The following CHMP3 variants were observed in gnomAD, a reference collection of about 807,000 sequenced individuals.
CHMP3 encodes 25.1 protein.
A neutral mutation model predicts 27.4 loss-of-function variants in CHMP3; 8 were observed. The observed-to-expected ratio is 0.29, with a 90% CI of 0.17 to 0.53. CHMP3 has a LOEUF of 0.53. Among genes scored for constraint, CHMP3 ranks in the 20% least tolerant of loss-of-function variants. The pLI is 0.96. For synonymous variants in CHMP3, 86 were observed against 85.5 expected (o/e 1.01, Z -0.03); for missense variants, 208 against 271.5 (o/e 0.77, Z 1.64).
At chr2:86,558,710 G>C (rs769366756) in intron 1 of CHMP3, among the ~76,000 whole-genome samples, 1 of 152,154 alleles carries the variant, frequency 6.6e-6, no homozygotes, top group African/African-American at 2.4e-5. Context: ...AGAAGGAGCT[G>C]TCTTGTAAGT....
At chr2:86,510,587 G>A (rs1018235755) in intron 3 of CHMP3, 108 bp from the exon 4 acceptor site, 74 of 1,451,114 alleles carry the variant, frequency 5.1e-5, no homozygotes, top group Middle Eastern at 1.8e-4. Context: ...ATGGACTCCC[G>A]AAGTTATTTG....
intron 3 of CHMP3, chr2:86,512,344 C>T (rs1489423412): frequency 2.6e-5 from 4 of 152,370 alleles, no homozygotes; most frequent in African/African-American, 9.7e-5. Context: ...CAGCCCTCAC[C>T]AGACAACCAA....
chr2:86,510,277 C>CCCCCCCAA, intron 4 of CHMP3, 81 bp downstream of exon 4: 19 of 1,118,930 alleles, frequency 1.7e-5, no homozygotes, highest in East Asian at 3.2e-5. Flanking sequence ...CATCCCCACC[C>CCCCCCCAA]ACCCTCATCC....
chr2:86,510,711 A>C (rs932207238), intron 3 of CHMP3: 3 of 457,014 alleles, frequency 6.6e-6, no homozygotes, highest in Non-Finnish European at 1.1e-5. Flanking sequence ...CCACATGACC[A>C]ATCTGGAGAG....
At chr2:86,554,816 C>CGTGTGTGTGTGTGTGT (rs70956121) in intron 1 of CHMP3, among the ~76,000 whole-genome samples, 2 of 145,384 alleles carry the variant, frequency 1.4e-5, no homozygotes, top group African/African-American at 5.2e-5. Flanking sequence ...TGTGTGCGCG[C>CGTGTGTGTGTGTGTGT]GTGTGTGTGT....
chr2:86,543,923 A>G (rs1345218140), intron 1 of CHMP3, among the ~76,000 whole-genome samples: 3 of 152,358 alleles, frequency 2.0e-5, no homozygotes, highest in Non-Finnish European at 2.9e-5. Flanking sequence ...TTACAATGTC[A>G]TACAACCACC....
chr2:86,520,341 G>A (rs1675473931), intron 3 of CHMP3, among the ~76,000 whole-genome samples: 1 of 152,102 alleles, frequency 6.6e-6, no homozygotes, highest in African/African-American at 2.4e-5. Flanking sequence ...GAAGGCAAAG[G>A]GGAAGCAGGC....
At chr2:86,510,269 T>TC in intron 4 of CHMP3, 89 bp downstream of exon 4, 4 of 1,369,630 alleles carry the variant, frequency 2.9e-6, no homozygotes, top group Non-Finnish European at 4.0e-6. Flanking sequence ...AGTCTGTTCA[T>TC]CCCCACCCAC....
In CHMP3 at chr2:86,513,431, CATT is replaced by C. The variant is rs1264362223; in HGVS notation, c.287-2955_287-2953del. Among the ~76,000 whole-genome samples, 3 of 152,128 alleles carry C rather than the reference CATT, an allele frequency of 2.0e-5. No homozygotes were observed. The East Asian group carries it at 5.8e-4, about 29-fold the overall frequency. The stretch of plus-strand genomic sequence containing the variant: ...TGTATGATACTATAATTGTGGATAT[CATT>C]ATATATGTGTCCAAACCCATCGAAT... On this transcript the variant is annotated intron_variant, in intron 3 of 5. Coordinates refer to ENST00000263856, the MANE Select transcript of CHMP3 (RefSeq NM_016079.4).
At chr2:86,535,036 T>C (rs554873935) in intron 2 of CHMP3, among the ~76,000 whole-genome samples, 1 of 152,214 alleles carries the variant, frequency 6.6e-6, no homozygotes, top group African/African-American at 2.4e-5. Context: ...GCAGGAGGAT[T>C]GCTTGAGTCC....
intron 1 of CHMP3, among the ~76,000 whole-genome samples, chr2:86,551,279 A>AT (rs34719408): frequency 1.2e-3 from 166 of 139,150 alleles, no homozygotes; most frequent in Middle Eastern, 3.7e-3. Flanking sequence ...ATGAACTCCA[A>AT]TTTTTTTTTT....
chr2:86,542,269 A>G lies in CHMP3; in HGVS notation c.89T>C (p.Val30Ala). The G allele has an allele frequency of 6.2e-7, 1 of 1,613,604 alleles. No homozygotes were observed. Among genetic ancestry groups the G allele is most frequent in the East Asian group, 2.2e-5 (1 of 44,796 alleles). ...SLKIRKEMRV[V>A]DRQIRDIQRE... ...TAACTTACCCCTTATTTGCCTGTCA[A>G]CAACTCTCATTTCCTTTCTTATCTT... The change falls in exon 2 of 6, where the codon GTT (valine) becomes GCT (alanine). Residue 30 changes from valine (V) to alanine (A), a missense_variant. Around this residue, in one of 3 missense-constraint regions of CHMP3, gnomAD observed 52 missense variants for 43.5 expected, o/e 1.19. Coordinates refer to ENST00000263856, the MANE Select transcript of CHMP3 (RefSeq NM_016079.4).
intron 1 of CHMP3, among the ~76,000 whole-genome samples, chr2:86,544,833 G>A (rs904971181): frequency 2.0e-4 from 30 of 152,180 alleles, no homozygotes; most frequent in Admixed American, 8.5e-4. Flanking sequence ...ATCATGGCCC[G>A]TTCTTGATGG....
chr2:86,536,632 AC>A (rs1676156254), intron 2 of CHMP3, among the ~76,000 whole-genome samples: 1 of 152,178 alleles, frequency 6.6e-6, no homozygotes, highest in African/African-American at 2.4e-5. Flanking sequence ...AGATTCTCTC[AC>A]TGTCTATGGC....
intron 3 of CHMP3, 172 bp from the exon 4 acceptor site, chr2:86,510,651 A>G (rs1675070672): frequency 1.1e-6 from 1 of 885,612 alleles, no homozygotes; most frequent in African/African-American, 1.7e-5. Flanking sequence ...ACTTTCCTAA[A>G]TTGTATGCTA....
intron 3 of CHMP3, chr2:86,515,256 T>G (rs1007282529): frequency 2.0e-5 from 3 of 152,208 alleles, no homozygotes; most frequent in Admixed American, 2.0e-4. Flanking sequence ...AGGGCCACAT[T>G]AATCTTCTCA....
At chr2:86,508,023 T>TA (rs1021877040) in intron 4 of CHMP3, among the ~76,000 whole-genome samples, 10 of 152,014 alleles carry the variant, frequency 6.6e-5, no homozygotes, top group African/African-American at 1.2e-4. Context: ...GATGCCGTGA[T>TA]AAAAAAATGC....
At chr2:86,532,441 C>T (rs1246618714) in intron 2 of CHMP3, among the ~76,000 whole-genome samples, 1 of 151,884 alleles carries the variant, frequency 6.6e-6, no homozygotes, top group Admixed American at 6.5e-5. Flanking sequence ...TTTTCTTGTC[C>T]AACTCCTTTG....
intron 3 of CHMP3, among the ~76,000 whole-genome samples, chr2:86,523,652 A>C (rs995853824): frequency 1.3e-5 from 2 of 152,010 alleles, no homozygotes; most frequent in Non-Finnish European, 2.9e-5. Context: ...GTATACTTAA[A>C]TCTAGCTTCC....
Sources: allele counts gnomAD v4.1 joint callset (sites outside exome capture counted in the v4.1 genomes callset), GRCh38; gene constraint gnomAD v4.1.1; regional missense constraint gnomAD v4.1.1; transcripts MANE v1.5; gene names NCBI Gene and HGNC (gene_info 2026-07-23, HGNC 2026-07-21).